The following DGLUCY variants were observed in gnomAD, a reference collection of about 807,000 sequenced individuals.
DGLUCY encodes the protein D-glutamate cyclase, mitochondrial.
In DGLUCY, 58 loss-of-function variants were observed where a neutral mutation model predicts 58.5. The observed-to-expected ratio is 0.99, with a 90% confidence interval of 0.80 to 1.23. The LOEUF is 1.23. DGLUCY is among the 50% of genes most tolerant of loss of function. DGLUCY has a pLI of 0.00. For missense variants in DGLUCY, 779 were observed against 784.7 expected (o/e 0.99, Z 0.09); for synonymous variants, 325 against 314.1 (o/e 1.03, Z -0.37).
At position 91,179,398 on chromosome 14, in the gene DGLUCY, T is replaced by G. The variant is rs150681623; in HGVS notation, c.731-1788T>G. ...CCAGGAGTTTGAGGCCGCAGTGAGC[T>G]GTGTTGCACCACTGTACTCCAGCCT... On this transcript the variant is annotated intron_variant, in intron 7 of 13. Coordinates refer to ENST00000256324, the MANE Select transcript of DGLUCY (RefSeq NM_001102368.3). Among the ~76,000 whole-genome samples, 382 of 151,630 alleles carry G rather than the reference T, an allele frequency of 2.5e-3. 1 individual carries two copies. The highest frequency in any genetic ancestry group is 8.6e-3 in the African/African-American group (355 of 41,298).
At chr14:91,062,808 C>T (rs575514243) in intron 1 of DGLUCY, among the ~76,000 whole-genome samples, 2 of 151,750 alleles carry the variant, frequency 1.3e-5, no homozygotes, top group Non-Finnish European at 2.9e-5. Flanking sequence ...ACCATGACTG[C>T]CTACTTACTT....
chr14:91,162,459 C>T (rs1349844104), intron 3 of DGLUCY, among the ~76,000 whole-genome samples: 1 of 152,080 alleles, frequency 6.6e-6, no homozygotes, highest in East Asian at 1.9e-4. Flanking sequence ...CTCCAGAGTC[C>T]ACCATCCTCT....
At chr14:91,132,457 T>C (rs892954952) in intron 1 of DGLUCY, among the ~76,000 whole-genome samples, 2 of 151,480 alleles carry the variant, frequency 1.3e-5, no homozygotes, top group Non-Finnish European at 2.9e-5. Context: ...TCCAAGATAC[T>C]TGGGAGACCC....
intron 1 of DGLUCY, among the ~76,000 whole-genome samples, chr14:91,130,910 C>A (rs945723122): frequency 6.6e-6 from 1 of 151,964 alleles, no homozygotes; most frequent in East Asian, 1.9e-4. Context: ...AATGAGAGTT[C>A]TTTATATATT....
At position 91,160,300 on chromosome 14, in the gene DGLUCY, C is replaced by T. The variant is rs769779661; in HGVS notation, c.6C>T (p.Pro2=). 71 of 1,612,152 alleles carry T rather than the reference C, an allele frequency of 4.4e-5. No homozygotes were observed. The highest frequency in any genetic ancestry group is 1.7e-4 in the African/African-American group (13 of 74,750). Residue 2 remains proline, a synonymous_variant, in exon 3 of 14, where the codon CCC becomes CCT. Transcript: ENST00000256324. Reference sequence around the variant, plus strand: ...TACTTATTCAAGTTGACACGATGCCCTTCACACTCCACCTGAGGTCCCGCC... The same window carrying T: ...TACTTATTCAAGTTGACACGATGCCTTTCACACTCCACCTGAGGTCCCGCC... M[P]FTLHLRSRLP...
chr14:91,081,350 C>T (rs897048075), intron 1 of DGLUCY, among the ~76,000 whole-genome samples: 2 of 152,192 alleles, frequency 1.3e-5, no homozygotes, highest in Non-Finnish European at 2.9e-5. Context: ...CACAGCAATA[C>T]GGTACTAAAT....
At chr14:91,140,074 G>A (rs1469556725) in intron 1 of DGLUCY, among the ~76,000 whole-genome samples, 1 of 152,192 alleles carries the variant, frequency 6.6e-6, no homozygotes, top group Non-Finnish European at 1.5e-5. Context: ...ATCTGCTTAG[G>A]AACAAAAGGA....
intron 1 of DGLUCY, among the ~76,000 whole-genome samples, chr14:91,091,602 G>A (rs905483422): frequency 2.2e-4 from 33 of 152,156 alleles, no homozygotes; most frequent in Admixed American, 1.3e-4. Context: ...TTTCCTGAAC[G>A]TGGAAATAAT....
chr14:91,126,985 T>C (rs1346968043), intron 1 of DGLUCY, among the ~76,000 whole-genome samples: 4 of 151,010 alleles, frequency 2.6e-5, no homozygotes, highest in African/African-American at 9.7e-5. Flanking sequence ...CCCAGTGTGG[T>C]ACAGGCTGCC....
intron 1 of DGLUCY, among the ~76,000 whole-genome samples, chr14:91,069,298 C>T (rs376100909): frequency 6.6e-5 from 10 of 152,224 alleles, no homozygotes; most frequent in African/African-American, 1.2e-4. Flanking sequence ...TATTTTGGGA[C>T]GGAGTCTTGC....
chr14:91,063,891 T>A (rs1393849374), intron 1 of DGLUCY, among the ~76,000 whole-genome samples: 1 of 152,150 alleles, frequency 6.6e-6, no homozygotes, highest in Non-Finnish European at 1.5e-5. Context: ...AAGTTAGTGT[T>A]TGGAGACTGC....
At chr14:91,079,186 A>G (rs2044082594) in intron 1 of DGLUCY, among the ~76,000 whole-genome samples, 1 of 151,952 alleles carries the variant, frequency 6.6e-6, no homozygotes, top group South Asian at 2.1e-4. Context: ...TTACAGGCAC[A>G]AGCCACCACG....
At chr14:91,192,323 T>A (rs113493737) in intron 9 of DGLUCY, among the ~76,000 whole-genome samples, 1,694 of 151,978 alleles carry the variant, frequency 0.011, 34 homozygotes, top group African/African-American at 0.039. Flanking sequence ...AGTAGAGTGG[T>A]GGTTGCCAGT....
At chr14:91,169,951 G>A (rs2048481586) in intron 4 of DGLUCY, 52 bp from the exon 5 acceptor site, 1 of 1,547,764 alleles carries the variant, frequency 6.5e-7, no homozygotes, top group Admixed American at 1.7e-5. Flanking sequence ...TGTATTATCA[G>A]GGGCCACAGT....
At chr14:91,136,703 T>C (rs894492329) in intron 1 of DGLUCY, among the ~76,000 whole-genome samples, 2 of 151,264 alleles carry the variant, frequency 1.3e-5, no homozygotes, top group East Asian at 3.9e-4. Context: ...GCACGGTGGC[T>C]CGCGCCTGTA....
At chr14:91,142,401 A>AGTTACTAAAAGTAACTTT (rs2046750645) in intron 1 of DGLUCY, among the ~76,000 whole-genome samples, 1 of 152,186 alleles carries the variant, frequency 6.6e-6, no homozygotes, top group African/African-American at 2.4e-5. Flanking sequence ...TTCCATTAGA[A>AGTTACTAAAAGTAACTTT]AGATGAAACT....
intron 1 of DGLUCY, among the ~76,000 whole-genome samples, chr14:91,133,680 C>A (rs549847575): frequency 6.6e-6 from 1 of 152,202 alleles, no homozygotes; most frequent in Non-Finnish European, 1.5e-5. Flanking sequence ...TGAGCCACCG[C>A]CTGTAGCCCA....
intron 1 of DGLUCY, among the ~76,000 whole-genome samples, chr14:91,133,739 C>G (rs1309626137): frequency 6.6e-6 from 1 of 152,140 alleles, no homozygotes; most frequent in Non-Finnish European, 1.5e-5. Flanking sequence ...GAGGGCTACA[C>G]CATTTTACCA....
intron 1 of DGLUCY, among the ~76,000 whole-genome samples, chr14:91,083,476 C>T (rs1032834388): frequency 6.8e-6 from 1 of 147,910 alleles, no homozygotes; most frequent in Non-Finnish European, 1.5e-5. Context: ...GAGCTGAGAT[C>T]GTGCCACTCC....
Sources: allele counts gnomAD v4.1 joint callset (sites outside exome capture counted in the v4.1 genomes callset), GRCh38; gene constraint gnomAD v4.1.1; transcripts MANE v1.5; gene names NCBI Gene and HGNC (gene_info 2026-07-23, HGNC 2026-07-21).